The following CCNDBP1 variants were observed in gnomAD, a reference collection of about 807,000 sequenced individuals.
The protein encoded by CCNDBP1 is cyclin D1 binding protein 1, also known as cyclin-D1-binding protein 1.
Under a neutral mutation model 46.2 loss-of-function variants are expected in CCNDBP1, and 45 were observed. That is an observed-to-expected ratio of 0.97 (90% confidence interval 0.77 to 1.25). CCNDBP1 has a LOEUF of 1.25. CCNDBP1 is among the 50% of genes most tolerant of loss of function. CCNDBP1 has a pLI of 0.00. For synonymous variants in CCNDBP1, 154 were observed against 163.6 expected, an observed-to-expected ratio of 0.94 and a Z score of 0.45; for missense variants, 436 against 442.1, an observed-to-expected ratio of 0.99 and a Z score of 0.12.
chr15:43,191,380 C>G lies in CCNDBP1; in HGVS notation c.580-15C>G. ...TTTTTTTTTTTGCATTCACATACAT[C>G]ATGGTATGTCTTAGGCTGTGGAAGA... On this transcript the variant is annotated splice_polypyrimidine_tract_variant and intron_variant, in intron 7 of 10. Transcript: ENST00000300213. 1.5e-6 allele frequency: 1 copy of G among 676,592 alleles called. No individual in the cohort carries two copies. Among genetic ancestry groups the G allele is most frequent in the East Asian group, 4.2e-5 (1 of 23,936 alleles). The allele number at this position is 676,592 out of a possible 1,614,324, so 41.9% of individuals were successfully genotyped here.
At position 43,196,828 on chromosome 15, in the gene CCNDBP1, G is replaced by A. The variant is rs1427856545; in HGVS notation, c.*1987G>A. On this transcript the variant is annotated 3_prime_UTR_variant, in exon 11 of 11. Coordinates refer to ENST00000300213, the MANE Select transcript of CCNDBP1 (RefSeq NM_012142.5). ...CTACTCATTTATCTGATAAAGTGATGTAGTTTGGATATTCAACCCTGCAAA... is the reference window on the plus strand; with the variant it reads ...CTACTCATTTATCTGATAAAGTGATATAGTTTGGATATTCAACCCTGCAAA... The A allele has an allele frequency of 4.3e-6, 1 of 232,240 alleles. No homozygotes were observed. The highest frequency in any genetic ancestry group is 2.3e-5 in the African/African-American group (1 of 43,932). The allele number at this position is 232,240 out of a possible 1,614,324, so 14.4% of individuals were successfully genotyped here. A position where few individuals can be genotyped will look rare whatever the true frequency, so the allele number is the denominator to read the frequency against.
chr15:43,186,237 G>T lies in CCNDBP1; in HGVS notation c.249+4G>T. ...GCTTCCACTGCCGTCTCCACAGGTGGGCTTCACTTTCGTGGAATCCTTGGG... is the reference window on the plus strand; with the variant it reads ...GCTTCCACTGCCGTCTCCACAGGTGTGCTTCACTTTCGTGGAATCCTTGGG... On this transcript the variant is annotated splice_donor_region_variant and intron_variant, in intron 3 of 10. Coordinates refer to ENST00000300213, the MANE Select transcript of CCNDBP1 (RefSeq NM_012142.5). 1 of 1,612,838 alleles carries T rather than the reference G, an allele frequency of 6.2e-7. No individual in the cohort carries two copies. The highest frequency in any genetic ancestry group is 1.3e-5 in the African/African-American group (1 of 75,008).
chr15:43,187,875 T>G (rs2041878534), intron 3 of CCNDBP1, among the ~76,000 whole-genome samples: 1 of 152,126 alleles, frequency 6.6e-6, no homozygotes, highest in Admixed American at 6.6e-5. Context: ...ATACATATAT[T>G]CAAATAAATA....
At chr15:43,188,319 A>AT (rs1347837025) in intron 3 of CCNDBP1, 1 of 151,958 alleles carries the variant, frequency 6.6e-6, no homozygotes, top group African/African-American at 2.4e-5. Context: ...ACATATTCTG[A>AT]TTCTGTTAAA....
chr15:43,192,460 T>C (rs1347873415), intron 8 of CCNDBP1, among the ~76,000 whole-genome samples: 1 of 152,230 alleles, frequency 6.6e-6, no homozygotes, highest in East Asian at 1.9e-4. Flanking sequence ...CCTATATTAG[T>C]TATTAAACTG....
At position 43,190,112 on chromosome 15, in the gene CCNDBP1, C is replaced by A; in HGVS notation, c.389C>A (p.Ala130Asp). ...ACCCTGGACATCGTGGATGGCATGGCTCAGCTCATGGAAGTACTTTCCGTC... is the reference window on the plus strand; with the variant it reads ...ACCCTGGACATCGTGGATGGCATGGATCAGCTCATGGAAGTACTTTCCGTC... ...GATLDIVDGM[A>D]QLMEVLSVTP... The change falls in exon 5 of 11, where the codon GCT becomes GAT. Residue 130 changes from alanine to aspartate, a missense_variant. Physicochemically the swap from Ala to Asp is moderately radical, Grantham distance 126. Transcript: ENST00000300213. The A allele has an allele frequency of 6.2e-7, 1 of 1,614,144 alleles. No homozygotes were observed. Among genetic ancestry groups the A allele is most frequent in the South Asian group, 1.1e-5 (1 of 91,076 alleles).
Position 43,193,194 on chromosome 15 carries a change from C to T in CCNDBP1, c.921+391C>T, listed in dbSNP as rs189798377. 132 of 182,900 alleles carry T rather than the reference C, an allele frequency of 7.2e-4. 3 individuals are homozygous for T. In the East Asian group the frequency reaches 0.016, roughly 22 times the overall value. The allele number at this position is 182,900 out of a possible 1,614,324, so 11.3% of individuals were successfully genotyped here. On this transcript the variant is annotated intron_variant, in intron 9 of 10. Transcript: ENST00000300213. ...CTCTACTAAGAATACAAAAATTAGC[C>T]GGGCATCATGCACCTATAATCCCAG...
At position 43,194,458 on chromosome 15, in the gene CCNDBP1, CA is replaced by C. The variant is rs757025058; in HGVS notation, c.968del (p.Ala324GlnfsTer4). 2 of 1,604,064 alleles carry C rather than the reference CA, an allele frequency of 1.2e-6. No individual in the cohort carries two copies. Among genetic ancestry groups the C allele is most frequent in the East Asian group, 4.5e-5 (2 of 44,608 alleles). ...GTTTTAAAGAAGGCACTTGAAATTA[CA>C]AAGTAAGTATGAAGACTTCTCAGAT... ...VSVLKKALEITKASHVTPQPE... is the reference protein window; with the variant it reads ...VSVLKKALEIXKASHVTPQPE... On this transcript the variant is annotated frameshift_variant and splice_region_variant, in exon 10 of 11. Transcript: ENST00000300213. LOFTEE classifies it high-confidence loss of function.
Position 43,191,573 on chromosome 15 carries a change from C to T in CCNDBP1, c.758C>T (p.Ala253Val). 4 of 1,613,964 alleles carry T rather than the reference C, an allele frequency of 2.5e-6. No individual in the cohort carries two copies. The highest frequency in any genetic ancestry group is 3.4e-6 in the Non-Finnish European group (4 of 1,180,006). Reference protein sequence around the residue: ...PCLALVRASKACLKKIRMLVA... With the variant: ...PCLALVRASKVCLKKIRMLVA... ...CTTGCGCTGGTGAGAGCATCCAAAG[C>T]CTGCCTGAAGAAAATTCGGATGTTA... The change falls in exon 8 of 11, where the codon GCC becomes GTC. Residue 253 changes from alanine to valine, a missense_variant. Ala to Val is a moderately conservative substitution (Grantham distance 64). Transcript: ENST00000300213.
Position 43,190,966 on chromosome 15 carries a change from A to G in CCNDBP1, c.503A>G (p.Asp168Gly). 1 of 1,613,370 alleles carries G rather than the reference A, an allele frequency of 6.2e-7. No individual in the cohort carries two copies. The highest frequency in any genetic ancestry group is 8.5e-7 in the Non-Finnish European group (1 of 1,179,344). ...AGTGCTTCTGATTTTTCACTCATAG[A>G]TAACAAAGCTGCAGCTCTTTTGATG... ...ACQQMPQIPR[D>G]NKAAALLMLT... The change falls in exon 7 of 11, where the codon GAT becomes GGT. Residue 168 changes from aspartate (D) to glycine (G), a missense_variant and splice_region_variant. By Grantham distance (94) the Asp-to-Gly change is moderately conservative. Transcript: ENST00000300213.
At chr15:43,192,058 T>C (rs2142237081) in intron 8 of CCNDBP1, among the ~76,000 whole-genome samples, 1 of 152,318 alleles carries the variant, frequency 6.6e-6, no homozygotes, top group African/African-American at 2.4e-5. Context: ...AATATTCAGA[T>C]TTCCCCAGTT....
intron 4 of CCNDBP1, chr15:43,189,589 G>T: frequency 2.8e-6 from 1 of 351,790 alleles, no homozygotes; most frequent in Non-Finnish European, 5.2e-6. Flanking sequence ...CCATATGCAG[G>T]CTCAGGCCAT....
chr15:43,194,741 C>T lies in CCNDBP1; in HGVS notation c.983C>T (p.Thr328Ile). 1.2e-6 allele frequency: 2 copies of T among 1,610,330 alleles called. No individual in the cohort carries two copies. The change falls in exon 11 of 11, where the codon ACC becomes ATC. Residue 328 changes from threonine (T) to isoleucine (I), a missense_variant. Transcript: ENST00000300213. ...ALEITKASHV[T>I]PQPEDSWIPL... Reference sequence around the variant, plus strand: ...TCTATTCACAGAGCAAGTCATGTGACCCCTCAGCCAGAAGATAGTTGGATC... The same window carrying T: ...TCTATTCACAGAGCAAGTCATGTGATCCCTCAGCCAGAAGATAGTTGGATC...
Position 43,185,405 on chromosome 15 carries a change from T to C in CCNDBP1, c.-94T>C, listed in dbSNP as rs1214867888. On this transcript the variant is annotated 5_prime_UTR_variant, in exon 1 of 11. Coordinates refer to ENST00000300213, the MANE Select transcript of CCNDBP1 (RefSeq NM_012142.5). Reference sequence around the variant, plus strand: ...CGGCTTGTTGACGGAAACGAGCCCTTGACGCTGTGGCCCGGAAGTGGAGCG... The same window carrying C: ...CGGCTTGTTGACGGAAACGAGCCCTCGACGCTGTGGCCCGGAAGTGGAGCG... The C allele has an allele frequency of 2.9e-5, 30 of 1,024,450 alleles. No homozygotes were observed. Among genetic ancestry groups the C allele is most frequent in the Non-Finnish European group, 5.9e-6 (4 of 681,040 alleles). 63.5% of individuals were successfully genotyped at this position (1,024,450 alleles called of 1,614,324 possible).
Position 43,185,523 on chromosome 15 carries a change from G to T in CCNDBP1, c.25G>T (p.Ala9Ser). The T allele has an allele frequency of 1.3e-6, 2 of 1,596,168 alleles. No homozygotes were observed. Among genetic ancestry groups the T allele is most frequent in the South Asian group, 1.1e-5 (1 of 88,684 alleles). Residue 9 changes from alanine to serine, a missense_variant, in exon 1 of 11, where the codon GCC becomes TCC. Transcript: ENST00000300213. The stretch of plus-strand genomic sequence containing the variant: ...GATGGCGAGCGCAACTGCACCTGCA[G>T]CCGCAGTCCCCACCCTGGCTTCGCC... MASATAPA[A>S]AVPTLASPLE...
In CCNDBP1 at chr15:43,196,760, T is replaced by C. The variant is rs1327297792; in HGVS notation, c.*1919T>C. 6 of 172,878 alleles carry C rather than the reference T, an allele frequency of 3.5e-5. No homozygotes were observed. Among genetic ancestry groups the C allele is most frequent in the African/African-American group, 1.4e-4 (6 of 41,764 alleles). 10.7% of individuals were successfully genotyped at this position (172,878 alleles called of 1,614,324 possible). ...AAAACCTGAACCTGAACAATCTGAA[T>C]GTACTCCTTAAAGGTATCTGAGCAC... On this transcript the variant is annotated 3_prime_UTR_variant, in exon 11 of 11. Transcript: ENST00000300213.
In CCNDBP1 at chr15:43,190,815, G is replaced by T. The variant is rs2041936549; in HGVS notation, c.503-151G>T. ...TTTAAACCCCTATCTAGATACCAGG[G>T]GATGTAGTGAGAATTTTTTATTAAA... On this transcript the variant is annotated intron_variant, in intron 6 of 10. Transcript: ENST00000300213. 1.4e-5 allele frequency: 9 copies of T among 624,342 alleles called. No homozygotes were observed. The South Asian group carries it at 1.7e-4, about 12-fold the overall frequency. The allele number at this position is 624,342 out of a possible 1,614,324, so 38.7% of individuals were successfully genotyped here.
chr15:43,197,105 G>T lies in CCNDBP1; in HGVS notation c.*2264G>T. The stretch of plus-strand genomic sequence containing the variant: ...TCATCTTCCTGCATAAGTGGAAGCA[G>T]CCTGAAGCCCTCACTGTTTCTTGTA... On this transcript the variant is annotated 3_prime_UTR_variant, in exon 11 of 11. Transcript: ENST00000300213. 2 of 688,932 alleles carry T rather than the reference G, an allele frequency of 2.9e-6. No individual in the cohort carries two copies. The highest frequency in any genetic ancestry group is 4.9e-6 in the Non-Finnish European group (2 of 411,440). The allele number at this position is 688,932 out of a possible 1,614,324, so 42.7% of individuals were successfully genotyped here. A position where few individuals can be genotyped will look rare whatever the true frequency, so the allele number is the denominator to read the frequency against.
chr15:43,185,643 G>A, intron 1 of CCNDBP1, 36 bp downstream of exon 1: 1 of 1,449,182 alleles, frequency 6.9e-7, no homozygotes, highest in Non-Finnish European at 9.3e-7. Flanking sequence ...GACGGCAGGG[G>A]CGGGCTCGGG....
Sources: gnomAD v4.1 joint callset for allele counts (sites outside exome capture counted in the v4.1 genomes callset) on GRCh38, gnomAD v4.1.1 for gene constraint, MANE v1.5 for transcripts, NCBI Gene and HGNC (gene_info 2026-07-23, HGNC 2026-07-21) for gene names.